Variants in CTNNBIP1 observed in about 807,000 individuals in gnomAD.
CTNNBIP1 encodes beta-catenin-interacting protein 1.
In CTNNBIP1, 7 loss-of-function variants were observed where a neutral mutation model predicts 11.8. The ratio of observed to expected loss-of-function variants is 0.60; its 90% CI spans 0.34 to 1.12. CTNNBIP1 has a LOEUF of 1.12. Among genes scored for constraint, CTNNBIP1 ranks in the 50% most tolerant of loss-of-function variants. CTNNBIP1 has a pLI of 0.03. For missense variants in CTNNBIP1, 101 were observed against 113.4 expected (o/e 0.89, Z 0.50); for synonymous variants, 58 against 43.9 (o/e 1.32, Z -1.26).
intron 1 of CTNNBIP1, among the ~76,000 whole-genome samples, chr1:9,889,447 C>T (rs1436213291): frequency 6.6e-6 from 1 of 152,200 alleles, no homozygotes; most frequent in Non-Finnish European, 1.5e-5. Flanking sequence ...GGGGCCATCT[C>T]GGAGCTGCCG....
At chr1:9,862,594 C>T (rs1638653709) in intron 5 of CTNNBIP1, among the ~76,000 whole-genome samples, 1 of 152,198 alleles carries the variant, frequency 6.6e-6, no homozygotes. Context: ...TGTCCCCTGA[C>T]CTCCACCCGA....
rs1638782071 is a variant in CTNNBIP1, at chr1:9,867,940, C to T, written c.187+3247G>A. ...AGGCAGATGCAGGGTCCTGCCCTCA[C>T]ATGGGTAAGCCCAGTATGGGACTGG... is the stretch of plus-strand genomic sequence containing the variant. On this transcript the variant is annotated intron_variant, in intron 5 of 5. Coordinates refer to ENST00000377263, the MANE Select transcript of CTNNBIP1 (RefSeq NM_020248.3). This position sits in a 1 kb window ranked among gnomAD's most constrained non-coding sequence, Gnocchi z 4.6. Among the ~76,000 whole-genome samples the T allele has an allele frequency of 6.6e-6, 1 of 152,244 alleles. No homozygotes were observed. The highest frequency in any genetic ancestry group is 2.1e-4 in the South Asian group (1 of 4,836).
chr1:9,892,298 T>C lies in CTNNBIP1; in HGVS notation c.-143-8560A>G, dbSNP rs376512021. On this transcript the variant is annotated intron_variant, in intron 1 of 5. Coordinates refer to ENST00000377263, the MANE Select transcript of CTNNBIP1 (RefSeq NM_020248.3). ...TTAGCCAGGCGTGGTGGTGGGTGCCTGTGGTCCCAGCTACTCGGGAGGCTG... is the reference window on the plus strand; with the variant it reads ...TTAGCCAGGCGTGGTGGTGGGTGCCCGTGGTCCCAGCTACTCGGGAGGCTG... Among the ~76,000 whole-genome samples the C allele has an allele frequency of 1.8e-4, 27 of 152,000 alleles. No individual in the cohort carries two copies. In the South Asian group the frequency reaches 5.6e-3, roughly 32 times the overall value.
chr1:9,903,382 C>T (rs546194624), intron 1 of CTNNBIP1, among the ~76,000 whole-genome samples: 191 of 152,306 alleles, frequency 1.3e-3, no homozygotes, highest in African/African-American at 4.4e-3. Context: ...CACTACAACA[C>T]AACCATGAAA....
chr1:9,895,408 G>A (rs981210590), intron 1 of CTNNBIP1, among the ~76,000 whole-genome samples: 1 of 149,562 alleles, frequency 6.7e-6, no homozygotes, highest in African/African-American at 2.5e-5. Context: ...ATGTTGGGCA[G>A]GCTGGTCTTG....
At position 9,872,052 on chromosome 1, in the gene CTNNBIP1, C is replaced by T; in HGVS notation, c.13G>A (p.Gly5Arg). 6.2e-7 allele frequency: 1 copy of T among 1,614,114 alleles called. No homozygotes were observed. Among genetic ancestry groups the T allele is most frequent in the Non-Finnish European group, 8.5e-7 (1 of 1,179,930 alleles). The change falls in exon 4 of 6, where the codon GGA (glycine) becomes AGA (arginine). Residue 5 changes from glycine (G) to arginine (R), a missense_variant. Coordinates refer to ENST00000377263, the MANE Select transcript of CTNNBIP1 (RefSeq NM_020248.3). The surrounding 1 kb of genome is among the most constrained non-coding windows in gnomAD (Gnocchi z 4.0). Reference sequence around the variant, plus strand: ...TCCTCCGGACTCTTCCCGGGAGCTCCCTCGCGGTTCATCCCCCTGCCTGGC... The same window carrying T: ...TCCTCCGGACTCTTCCCGGGAGCTCTCTCGCGGTTCATCCCCCTGCCTGGC... Reference protein sequence around the residue: MNREGAPGKSPEEMY... With the variant: MNRERAPGKSPEEMY...
intron 1 of CTNNBIP1, among the ~76,000 whole-genome samples, chr1:9,905,433 T>TGTTGACTCG (rs1639597779): frequency 6.6e-6 from 1 of 152,128 alleles, no homozygotes. Context: ...TACATTCTTT[T>TGTTGACTCG]TTTTTTTGAG....
rs1436481555 is a variant in CTNNBIP1 at position 9,883,049 on chromosome 1, G to C, written c.-110+656C>G. Among the ~76,000 whole-genome samples, 2 of 151,896 alleles carry C rather than the reference G, an allele frequency of 1.3e-5. No individual in the cohort carries two copies. The highest frequency in any genetic ancestry group is 2.9e-5 in the Non-Finnish European group (2 of 67,956). Reference sequence around the variant, plus strand: ...GGGTGGGGCAGCCGCAGGGCAGGGGGCTCCTTCTGTGGGCACGCAGAGCCA... The same window carrying C: ...GGGTGGGGCAGCCGCAGGGCAGGGGCCTCCTTCTGTGGGCACGCAGAGCCA... On this transcript the variant is annotated intron_variant, in intron 2 of 5. Transcript: ENST00000377263. The surrounding 1 kb of genome is among the most constrained non-coding windows in gnomAD (Gnocchi z 5.6).
chr1:9,900,085 A>T (rs1230089183), intron 1 of CTNNBIP1, among the ~76,000 whole-genome samples: 2 of 151,014 alleles, frequency 1.3e-5, no homozygotes, highest in Non-Finnish European at 2.9e-5. Context: ...AAAAAAAAAA[A>T]CAATCAATAG....
intron 1 of CTNNBIP1, among the ~76,000 whole-genome samples, chr1:9,892,001 T>TA (rs1340444534): frequency 6.6e-6 from 1 of 152,068 alleles, no homozygotes; most frequent in Non-Finnish European, 1.5e-5. Context: ...GGACAGGGTT[T>TA]TGCCATGTTG....
intron 1 of CTNNBIP1, among the ~76,000 whole-genome samples, chr1:9,899,356 T>A (rs958479196): frequency 6.8e-6 from 1 of 146,950 alleles, no homozygotes; most frequent in Non-Finnish European, 1.5e-5. Context: ...CCCAGGAGGC[T>A]GAGGCAGGAG....
rs189377351 is a variant in CTNNBIP1 at position 9,887,455 on chromosome 1, G to A, written c.-143-3717C>T. ...ATGTGGGCCGGGCACAGTGGCTCAC[G>A]CCTGTAACCCCAGCACTTTGGAAGG... is the stretch of plus-strand genomic sequence containing the variant. On this transcript the variant is annotated intron_variant, in intron 1 of 5. Transcript: ENST00000377263. Among the ~76,000 whole-genome samples the A allele has an allele frequency of 4.9e-3, 746 of 152,296 alleles. 6 individuals are homozygous for A. The highest frequency in any genetic ancestry group is 7.8e-3 in the Non-Finnish European group (531 of 68,024).
intron 3 of CTNNBIP1, among the ~76,000 whole-genome samples, chr1:9,877,345 T>C (rs1638990727): frequency 6.6e-6 from 1 of 152,226 alleles, no homozygotes; most frequent in African/African-American, 2.4e-5. Flanking sequence ...CACAGCCACC[T>C]GCACTCCTTT....
chr1:9,869,114 C>T (rs1229451445), intron 5 of CTNNBIP1, among the ~76,000 whole-genome samples: 1 of 151,766 alleles, frequency 6.6e-6, no homozygotes, highest in South Asian at 2.1e-4. Flanking sequence ...ATCCTCTCAC[C>T]TCAGCCTCCC....
intron 3 of CTNNBIP1, among the ~76,000 whole-genome samples, chr1:9,873,786 G>A (rs1638911875): frequency 6.6e-6 from 1 of 152,160 alleles, no homozygotes; most frequent in Non-Finnish European, 1.5e-5. Context: ...CCAGGCTGGA[G>A]TGTAGTGGCG....
At chr1:9,905,808 A>G (rs141732444) in intron 1 of CTNNBIP1, among the ~76,000 whole-genome samples, 2 of 152,278 alleles carry the variant, frequency 1.3e-5, no homozygotes, top group Non-Finnish European at 2.9e-5. Flanking sequence ...ACTTCATAAG[A>G]GCATGCCTCT....
In CTNNBIP1 at chr1:9,872,157, C is replaced by T. The variant is rs1638877397; in HGVS notation, c.-24-69G>A. On this transcript the variant is annotated intron_variant, in intron 3 of 5. Transcript: ENST00000377263. The surrounding 1 kb of genome is among the most constrained non-coding windows in gnomAD (Gnocchi z 4.0). ...TGACATACTGGGACAATGACACCTG[C>T]TAGTGACCCTCACTCCTCCCAGGAG... The T allele has an allele frequency of 3.2e-6, 3 of 934,808 alleles. No homozygotes were observed. In the Admixed American group the frequency reaches 5.7e-5, roughly 18 times the overall value. 57.9% of individuals were successfully genotyped at this position (934,808 alleles called of 1,614,324 possible).
intron 1 of CTNNBIP1, among the ~76,000 whole-genome samples, chr1:9,885,717 G>GT (rs1466402019): frequency 6.6e-6 from 1 of 152,106 alleles, no homozygotes; most frequent in African/African-American, 2.4e-5. Context: ...GCCAAGGCGG[G>GT]TGGATCACCT....
Position 9,871,813 on chromosome 1 carries a change from A to C in CTNNBIP1, c.96+156T>G, listed in dbSNP as rs372370134. Among the ~76,000 whole-genome samples the C allele has an allele frequency of 1.4e-3, 210 of 152,270 alleles. No homozygotes were observed. In the Middle Eastern group the frequency reaches 0.034, roughly 25 times the overall value. On this transcript the variant is annotated intron_variant, in intron 4 of 5. Transcript: ENST00000377263. This position sits in a 1 kb window ranked among gnomAD's most constrained non-coding sequence, Gnocchi z 5.2. ...GCTCTGTGCCTAGGGGGCCAGAAGC[A>C]GCCCTAGAGCCAAGCCACAGGCCCA...
Sources: allele counts gnomAD v4.1 joint callset (sites outside exome capture counted in the v4.1 genomes callset), GRCh38; gene constraint gnomAD v4.1.1; non-coding constraint Gnocchi (gnomAD v3.1); transcripts MANE v1.5; gene names NCBI Gene and HGNC (gene_info 2026-07-23, HGNC 2026-07-21).